ARHGAP29: variants seen among roughly 807,000 people sequenced by gnomAD.
ARHGAP29 encodes Rho GTPase activating protein 29.
ARHGAP29 carries 43 observed loss-of-function variants against 122.6 expected under a neutral mutation model. That is an observed-to-expected ratio of 0.35 (90% CI 0.27 to 0.45). ARHGAP29 has a LOEUF of 0.45. Ranked by LOEUF, ARHGAP29 falls within the 20% of genes least tolerant of loss-of-function variation. The pLI, the probability that ARHGAP29 is intolerant of heterozygous loss-of-function variation, is 1.00. For missense variants in ARHGAP29, 1,303 were observed against 1,477.2 expected, an observed-to-expected ratio of 0.88 and a Z score of 1.93; for synonymous variants, 506 against 497.1, an observed-to-expected ratio of 1.02 and a Z score of -0.24.
the ARHGAP29 span, among the ~76,000 whole-genome samples, chr1:94,299,516 G>C: frequency 6.6e-6 from 1 of 152,136 alleles, no homozygotes; most frequent in African/African-American, 2.4e-5. Flanking sequence ...CACCTTCTAG[G>C]AAGGGCTGAC....
intron 1 of ARHGAP29, among the ~76,000 whole-genome samples, chr1:94,245,971 A>AT (rs1255446178): frequency 6.6e-6 from 1 of 152,218 alleles, no homozygotes; most frequent in Non-Finnish European, 1.5e-5. Flanking sequence ...TAGATACACT[A>AT]TTTTAAGGAG....
chr1:94,194,665 T>C (rs1278576966), intron 12 of ARHGAP29: 1 of 152,148 alleles, frequency 6.6e-6, no homozygotes, highest in Non-Finnish European at 1.5e-5. Flanking sequence ...CCTCCAAATA[T>C]CATCACATCA....
the ARHGAP29 span, among the ~76,000 whole-genome samples, chr1:94,296,696 T>TC: frequency 6.6e-6 from 1 of 152,090 alleles, no homozygotes; most frequent in Non-Finnish European, 1.5e-5. Context: ...GACTTTGGCC[T>TC]CCCCCAACAC....
In ARHGAP29 at chr1:94,188,871, T is replaced by A. The variant is rs1649965859; in HGVS notation, c.1647A>T (p.Glu549Asp). 6.2e-7 allele frequency: 1 copy of A among 1,613,164 alleles called. No homozygotes were observed. Among genetic ancestry groups the A allele is most frequent in the African/African-American group, 1.3e-5 (1 of 75,020 alleles). Residue 549 changes from glutamate to aspartate, a missense_variant, in exon 15 of 23, where the codon GAA becomes GAT. Transcript: ENST00000260526. The stretch of plus-strand genomic sequence containing the variant: ...TAGATTCTGAATCCAGAGATCTAGA[T>A]TCGCTGCTCCCTCCAGTGCTCTCAG... ...SDSESTGGSSESRSLDSESIS... is the reference protein window; with the variant it reads ...SDSESTGGSSDSRSLDSESIS...
At chr1:94,225,838 G>T (rs544858173) in intron 2 of ARHGAP29, among the ~76,000 whole-genome samples, 1 of 151,944 alleles carries the variant, frequency 6.6e-6, no homozygotes, top group Non-Finnish European at 1.5e-5. Context: ...TAGTCACCTA[G>T]AATAGTAAAA....
chr1:94,185,376 C>G lies in ARHGAP29; in HGVS notation c.1886G>C (p.Gly629Ala), dbSNP rs1453808849. The G allele has an allele frequency of 6.2e-7, 1 of 1,611,522 alleles. No homozygotes were observed. Among genetic ancestry groups the G allele is most frequent in the African/African-American group, 1.3e-5 (1 of 74,854 alleles). Residue 629 changes from glycine to alanine, a missense_variant, in exon 17 of 23, where the codon GGC becomes GCC. Physicochemically the swap from Gly to Ala is moderately conservative, Grantham distance 60. This residue lies in a region of ARHGAP29 where 91 missense variants were observed against 177.8 expected (regional missense o/e 0.51). Coordinates refer to ENST00000260526, the MANE Select transcript of ARHGAP29 (RefSeq NM_004815.4). Reference sequence around the variant, plus strand: ...TTCAACACCTTGGAACACTACAATGCCTTCACAATCCCTACATTTCGTGGG... The same window carrying G: ...TTCAACACCTTGGAACACTACAATGGCTTCACAATCCCTACATTTCGTGGG... ...RSPTKCRDCE[G>A]IVVFQGVECE... is the part of the protein sequence containing the mutation.
intron 1 of ARHGAP29, 124 bp downstream of exon 1, chr1:94,237,291 C>T: frequency 1.6e-6 from 1 of 644,970 alleles, no homozygotes. Flanking sequence ...CCACCGCTTC[C>T]ACTCGGGGCC....
intron 3 of ARHGAP29, among the ~76,000 whole-genome samples, chr1:94,210,881 A>G (rs1252245456): frequency 1.4e-5 from 2 of 145,616 alleles, no homozygotes; most frequent in African/African-American, 2.6e-5. Context: ...CCAGCCTGAC[A>G]GAGCAAAACT....
At chr1:94,196,256 C>CTT (rs917635883) in intron 12 of ARHGAP29, among the ~76,000 whole-genome samples, 3,109 of 90,836 alleles carry the variant, frequency 0.034, 99 homozygotes, top group African/African-American at 0.039. Flanking sequence ...CCGTGTTTTT[C>CTT]TTTTTTTTTT....
At chr1:94,200,241 A>G (rs1427225903) in intron 12 of ARHGAP29, among the ~76,000 whole-genome samples, 2 of 152,226 alleles carry the variant, frequency 1.3e-5, no homozygotes, top group Admixed American at 1.3e-4. Flanking sequence ...ACAATAAGAA[A>G]ATAAACAACT....
At chr1:94,235,050 C>A (rs1449977274) in intron 1 of ARHGAP29, among the ~76,000 whole-genome samples, 1 of 151,980 alleles carries the variant, frequency 6.6e-6, no homozygotes, top group Non-Finnish European at 1.5e-5. Flanking sequence ...AACACAGCAA[C>A]AACAACATCA....
At chr1:94,203,695 A>C (rs1331569507) in intron 8 of ARHGAP29, among the ~76,000 whole-genome samples, 2 of 152,158 alleles carry the variant, frequency 1.3e-5, no homozygotes, top group Non-Finnish European at 1.5e-5. Flanking sequence ...AGATCACGCC[A>C]CTGCACTCCA....
At chr1:94,192,498 A>G (rs923285847) in intron 12 of ARHGAP29, 6 of 152,160 alleles carry the variant, frequency 3.9e-5, no homozygotes, top group African/African-American at 1.4e-4. Context: ...TTTCTTTTGT[A>G]TATTTATTTT....
intron 16 of ARHGAP29, 21 bp downstream of exon 16, chr1:94,186,478 T>G: frequency 6.4e-7 from 1 of 1,563,186 alleles, no homozygotes; most frequent in African/African-American, 1.4e-5. Flanking sequence ...TAGTGGGACT[T>G]AATTCAGGTA....
the ARHGAP29 span, among the ~76,000 whole-genome samples, chr1:94,303,412 G>A: frequency 6.6e-6 from 1 of 152,168 alleles, no homozygotes; most frequent in Admixed American, 6.5e-5. Flanking sequence ...GCTGGGGAGT[G>A]GGGTGAATGG....
At chr1:94,205,601 GTT>G in intron 6 of ARHGAP29, 32 bp downstream of exon 6, 1 of 1,586,706 alleles carries the variant, frequency 6.3e-7, no homozygotes, top group Non-Finnish European at 8.6e-7. Flanking sequence ...ACTACAAGAA[GTT>G]TGTGAAAAGT....
chr1:94,246,103 A>G (rs1031702074), intron 1 of ARHGAP29, among the ~76,000 whole-genome samples: 4 of 152,140 alleles, frequency 2.6e-5, no homozygotes, highest in African/African-American at 9.7e-5. Context: ...GGTCTATTCT[A>G]TTTTCTTCAA....
At position 94,187,027 on chromosome 1, in the gene ARHGAP29, A is replaced by G. The variant is rs17111214; in HGVS notation, c.1682-430T>C. 4.3e-3 allele frequency among the ~76,000 whole-genome samples: 662 copies of G among 152,356 alleles called. 1 individual carries two copies. The highest frequency in any genetic ancestry group is 0.015 in the African/African-American group (628 of 41,574). On this transcript the variant is annotated intron_variant, in intron 15 of 22. Coordinates refer to ENST00000260526, the MANE Select transcript of ARHGAP29 (RefSeq NM_004815.4). ...AATTAAACCAAAAGCTTTCTACAAC[A>G]TACAAAAATCTTTGAATATAACAAC... is the stretch of plus-strand genomic sequence containing the variant.
chr1:94,263,361 A>G (rs1244005015), intron 1 of ARHGAP29, among the ~76,000 whole-genome samples: 1 of 151,296 alleles, frequency 6.6e-6, no homozygotes, highest in East Asian at 1.9e-4. Flanking sequence ...TACCTATATA[A>G]CAAACCTGCA....
Sources: allele counts gnomAD v4.1 joint callset (sites outside exome capture counted in the v4.1 genomes callset), GRCh38; gene constraint gnomAD v4.1.1; regional missense constraint gnomAD v4.1.1; transcripts MANE v1.5; gene names NCBI Gene and HGNC (gene_info 2026-07-23, HGNC 2026-07-21).